CCBE1: variants seen among roughly 807,000 people sequenced by gnomAD.
CCBE1 encodes the protein collagen and calcium-binding EGF domain-containing protein 1.
A neutral mutation model predicts 50.0 loss-of-function variants in CCBE1; 37 were observed. The observed-to-expected ratio is 0.74, with a 90% CI of 0.57 to 0.97. The LOEUF (loss-of-function observed/expected upper bound fraction) is 0.97. CCBE1 is among the 50% of genes least tolerant of loss of function. CCBE1 has a pLI of 0.00. For synonymous variants in CCBE1, 234 were observed against 203.7 expected, an observed-to-expected ratio of 1.15 and a Z score of -1.27; for missense variants, 538 against 523.8, an observed-to-expected ratio of 1.03 and a Z score of -0.26.
At chr18:59,520,125 C>A (rs1418706905) in intron 2 of CCBE1, among the ~76,000 whole-genome samples, 2 of 152,186 alleles carry the variant, frequency 1.3e-5, no homozygotes, top group African/African-American at 4.8e-5. Flanking sequence ...CAGCTTTGTT[C>A]TTTTTGCTTA....
chr18:59,527,038 G>A (rs550182607), intron 2 of CCBE1, among the ~76,000 whole-genome samples: 1 of 152,310 alleles, frequency 6.6e-6, no homozygotes, highest in African/African-American at 2.4e-5. Flanking sequence ...TTGATCCAGA[G>A]CTGAGTTCAA....
At chr18:59,515,076 A>T (rs780949786) in intron 2 of CCBE1, among the ~76,000 whole-genome samples, 1 of 152,232 alleles carries the variant, frequency 6.6e-6, no homozygotes, top group Admixed American at 6.5e-5. Flanking sequence ...AGTAATACAT[A>T]AAACACAAGG....
chr18:59,513,267 C>T (rs981903260), intron 2 of CCBE1, among the ~76,000 whole-genome samples: 1 of 152,128 alleles, frequency 6.6e-6, no homozygotes, highest in Non-Finnish European at 1.5e-5. Flanking sequence ...GAGATTGTGC[C>T]ACTGCACTCT....
chr18:59,534,923 A>G (rs1233587445), intron 2 of CCBE1, among the ~76,000 whole-genome samples: 1 of 152,260 alleles, frequency 6.6e-6, no homozygotes, highest in Non-Finnish European at 1.5e-5. Context: ...AAGAAAAAAC[A>G]GAACAAAACT....
intron 2 of CCBE1, among the ~76,000 whole-genome samples, chr18:59,528,942 G>A (rs566906396): frequency 5.3e-4 from 81 of 152,240 alleles, no homozygotes; most frequent in African/African-American, 1.8e-3. Context: ...ACCCAGTCAG[G>A]AGTCATGAGA....
At chr18:59,485,756 G>C (rs666611) in intron 2 of CCBE1, among the ~76,000 whole-genome samples, 3 of 151,666 alleles carry the variant, frequency 2.0e-5, no homozygotes, top group Non-Finnish European at 4.4e-5. Context: ...GATTACAGGC[G>C]CCTGCCACCA....
At chr18:59,678,080 G>A (rs145724726) in intron 2 of CCBE1, among the ~76,000 whole-genome samples, 229 of 152,274 alleles carry the variant, frequency 1.5e-3, no homozygotes, top group African/African-American at 5.2e-3. Flanking sequence ...TGCGATGGTT[G>A]TAAGCGGGTG....
At chr18:59,689,442 G>T (rs1388578393) in intron 2 of CCBE1, among the ~76,000 whole-genome samples, 1 of 152,174 alleles carries the variant, frequency 6.6e-6, no homozygotes, top group Non-Finnish European at 1.5e-5. Context: ...CTTTCACATT[G>T]GCTCTTGGCA....
At chr18:59,564,737 G>GA (rs1317142481) in intron 2 of CCBE1, among the ~76,000 whole-genome samples, 4 of 152,360 alleles carry the variant, frequency 2.6e-5, no homozygotes, top group Admixed American at 2.6e-4. Flanking sequence ...GATGAACACT[G>GA]AGGCCATATG....
intron 2 of CCBE1, among the ~76,000 whole-genome samples, chr18:59,572,004 C>G (rs2052922374): frequency 6.6e-6 from 1 of 152,186 alleles, no homozygotes; most frequent in Non-Finnish European, 1.5e-5. Flanking sequence ...AGCCTACATC[C>G]TTTTCAGAAT....
intron 2 of CCBE1, among the ~76,000 whole-genome samples, chr18:59,539,055 A>G (rs1915361801): frequency 6.6e-6 from 1 of 152,154 alleles, no homozygotes; most frequent in African/African-American, 2.4e-5. Context: ...ATGCACCTAC[A>G]GTCCCAGTTA....
chr18:59,453,724 T>A (rs1911048160), intron 6 of CCBE1, among the ~76,000 whole-genome samples: 2 of 152,180 alleles, frequency 1.3e-5, no homozygotes, highest in Non-Finnish European at 2.9e-5. Context: ...ACCTCTCTGA[T>A]GTGCTAAGAG....
chr18:59,689,507 T>TA lies in CCBE1; in HGVS notation c.212+7121dup, dbSNP rs1330876914. Among the ~76,000 whole-genome samples the TA allele has an allele frequency of 1.6e-4, 25 of 152,326 alleles. 1 individual carries two copies. The East Asian group carries it at 4.6e-3, about 28-fold the overall frequency. On this transcript the variant is annotated intron_variant, in intron 2 of 10. Transcript: ENST00000439986. ...ATGCGACATTTTGCTTAATGAGGAT[T>TA]AAGTGTGTAGGCATCACTACCACCC...
At chr18:59,598,290 T>C (rs1246895492) in intron 2 of CCBE1, among the ~76,000 whole-genome samples, 1 of 152,198 alleles carries the variant, frequency 6.6e-6, no homozygotes, top group South Asian at 2.1e-4. Context: ...ACCCCACCTC[T>C]GTTGTGATAC....
rs562616489 is a variant in CCBE1, at chr18:59,665,417, A to G, written c.212+31212T>C. ...TAGAAGGAATCCACAGGAATTTTTT[A>G]TCCCATTTAAAAATAAGTGTTGGGT... On this transcript the variant is annotated intron_variant, in intron 2 of 10. Coordinates refer to ENST00000439986, the MANE Select transcript of CCBE1 (RefSeq NM_133459.4). 1.2e-4 allele frequency among the ~76,000 whole-genome samples: 18 copies of G among 152,324 alleles called. No individual in the cohort carries two copies. In the Middle Eastern group the frequency reaches 0.024, roughly 201 times the overall value.
At chr18:59,608,011 G>A in intron 2 of CCBE1, among the ~76,000 whole-genome samples, 1 of 128,286 alleles carries the variant, frequency 7.8e-6, no homozygotes, top group Non-Finnish European at 1.7e-5. Context: ...AGGAAGCAGA[G>A]GTGTAGTGAG....
At chr18:59,529,064 G>A (rs1568188964) in intron 2 of CCBE1, among the ~76,000 whole-genome samples, 1 of 152,234 alleles carries the variant, frequency 6.6e-6, no homozygotes, top group African/African-American at 2.4e-5. Context: ...GACAGCAAGG[G>A]GAAGAGACTA....
chr18:59,518,947 C>A (rs1914486533), intron 2 of CCBE1, among the ~76,000 whole-genome samples: 1 of 152,200 alleles, frequency 6.6e-6, no homozygotes, highest in South Asian at 2.1e-4. Context: ...GAGTTCCCAG[C>A]TGGATTAAGC....
At chr18:59,562,913 CTTGT>C (rs1385140202) in intron 2 of CCBE1, among the ~76,000 whole-genome samples, 2 of 152,170 alleles carry the variant, frequency 1.3e-5, no homozygotes, top group South Asian at 2.1e-4. Flanking sequence ...TTTCAGTTCT[CTTGT>C]TTGTTTCCCA....
Sources: gnomAD v4.1 joint callset for allele counts (sites outside exome capture counted in the v4.1 genomes callset) on GRCh38, gnomAD v4.1.1 for gene constraint, MANE v1.5 for transcripts, NCBI Gene and HGNC (gene_info 2026-07-23, HGNC 2026-07-21) for gene names.